LRRC41: variants seen among roughly 807,000 people sequenced by gnomAD.
LRRC41 encodes the protein leucine-rich repeat-containing protein 41.
In LRRC41, 17 loss-of-function variants were observed where a neutral mutation model predicts 72.1. The observed-to-expected ratio is 0.24, with a 90% CI of 0.16 to 0.35. LRRC41 has a LOEUF of 0.35. Among genes scored for constraint, LRRC41 ranks in the 10% least tolerant of loss-of-function variants. The probability of loss-of-function intolerance (pLI) is 1.00; values close to 1 mark genes in which losing one functional copy is unlikely to be tolerated. For missense variants in LRRC41, 759 were observed against 1,065.0 expected (o/e 0.71, Z 4.00); for synonymous variants, 427 against 431.0 (o/e 0.99, Z 0.11).
rs1484837975 is a variant in LRRC41, at chr1:46,279,842, T to C, written c.2021-228A>G. On this transcript the variant is annotated intron_variant, in intron 7 of 9. Coordinates refer to ENST00000617190, the MANE Select transcript of LRRC41 (RefSeq NM_006369.5). This position sits in a 1 kb window ranked among gnomAD's most constrained non-coding sequence, Gnocchi z 4.5. The stretch of plus-strand genomic sequence containing the variant: ...TCTGCATGGACAATTCTCCATTCAC[T>C]TCCTTCTTTCCCTAACACTGGCCAC... Among the ~76,000 whole-genome samples the C allele has an allele frequency of 1.3e-5, 2 of 152,276 alleles. No individual in the cohort carries two copies. The highest frequency in any genetic ancestry group is 3.4e-3 in the Middle Eastern group (1 of 294).
intron 2 of LRRC41, 59 bp from the exon 3 acceptor site, chr1:46,297,692 A>C: frequency 8.1e-7 from 1 of 1,239,654 alleles, no homozygotes; most frequent in Non-Finnish European, 1.2e-6. Context: ...AAGTACATCA[A>C]CCTTTCATGT....
Position 46,302,153 on chromosome 1 carries a change from T to C in LRRC41, c.199+971A>G. 1.0e-6 allele frequency: 1 copy of C among 985,248 alleles called. No individual in the cohort carries two copies. 61.0% of individuals were successfully genotyped at this position (985,248 alleles called of 1,614,324 possible). The stretch of plus-strand genomic sequence containing the variant: ...CGCCCTCCATCCAGGCCCGGCCCTT[T>C]GGTCCCGGCCGCCTTCAGGCCTGGG... On this transcript the variant is annotated intron_variant, in intron 1 of 9. Transcript: ENST00000617190. This position sits in a 1 kb window ranked among gnomAD's most constrained non-coding sequence, Gnocchi z 4.7.
chr1:46,299,348 G>A (rs768728719), intron 1 of LRRC41: 1 of 152,230 alleles, frequency 6.6e-6, no homozygotes, highest in Non-Finnish European at 1.5e-5. Context: ...CCAGGAGTTC[G>A]AGGCTACAGT....
At chr1:46,301,211 C>A (rs1411590114) in intron 1 of LRRC41, among the ~76,000 whole-genome samples, 1 of 152,142 alleles carries the variant, frequency 6.6e-6, no homozygotes, top group African/African-American at 2.4e-5. Flanking sequence ...TTTCTCCATT[C>A]TTCTTAAGCC....
rs759705989 is a variant in LRRC41 at position 46,278,738 on chromosome 1, AGGAAAAAAG to A, written c.*118_*126del. 2.1e-6 allele frequency: 2 copies of A among 945,026 alleles called. No homozygotes were observed. Among genetic ancestry groups the A allele is most frequent in the South Asian group, 3.1e-5 (2 of 63,542 alleles). The allele number at this position is 945,026 out of a possible 1,614,324, so 58.5% of individuals were successfully genotyped here. On this transcript the variant is annotated 3_prime_UTR_variant, in exon 10 of 10. Transcript: ENST00000617190. ...TCCAGGACCTCAGTGCAAGGGAAGA[AGGAAAAAAG>A]AGAAAAAAGGTGACAGAAAGAGAAA...
intron 3 of LRRC41, among the ~76,000 whole-genome samples, chr1:46,294,864 A>C (rs1416646742): frequency 6.6e-6 from 1 of 152,112 alleles, no homozygotes; most frequent in South Asian, 2.1e-4. Flanking sequence ...AAGTGCTGGC[A>C]TTATAGGTGT....
intron 3 of LRRC41, among the ~76,000 whole-genome samples, chr1:46,289,402 C>T (rs771817215): frequency 3.3e-5 from 5 of 152,122 alleles, no homozygotes; most frequent in Non-Finnish European, 7.3e-5. Flanking sequence ...CTCTCAGTGG[C>T]TTCTTTCTCA....
rs771086280 is a variant in LRRC41 at position 46,279,363 on chromosome 1, C to G, written c.2144-106G>C. 6.4e-7 allele frequency: 1 copy of G among 1,573,416 alleles called. No individual in the cohort carries two copies. The highest frequency in any genetic ancestry group is 8.7e-7 in the Non-Finnish European group (1 of 1,143,452). ...AACCAGCCCTGCTGGTTCCTGAAGC[C>G]CCAGCACAGAAATATCTGTATTCCA... is the stretch of plus-strand genomic sequence containing the variant. On this transcript the variant is annotated intron_variant, in intron 8 of 9. Transcript: ENST00000617190. The surrounding 1 kb of genome is among the most constrained non-coding windows in gnomAD (Gnocchi z 4.5).
chr1:46,287,258 G>A (rs763355734), intron 3 of LRRC41, among the ~76,000 whole-genome samples: 7 of 152,084 alleles, frequency 4.6e-5, no homozygotes, highest in Admixed American at 6.5e-5. Context: ...ACAGGCACCC[G>A]CCACCACGCC....
intron 4 of LRRC41, among the ~76,000 whole-genome samples, chr1:46,282,076 CA>C (rs11284020): frequency 0.062 from 7,290 of 118,418 alleles, 182 homozygotes; most frequent in South Asian, 0.13. Context: ...AAGACTGTCT[CA>C]AAAAAAAAAA....
chr1:46,288,563 T>C (rs753485106), intron 3 of LRRC41, among the ~76,000 whole-genome samples: 3 of 152,206 alleles, frequency 2.0e-5, no homozygotes, highest in Non-Finnish European at 2.9e-5. Context: ...TCCCCAAGAC[T>C]AAAACATTTC....
Position 46,285,480 on chromosome 1 carries a change from G to T in LRRC41, c.1377C>A (p.Phe459Leu). The change falls in exon 4 of 10, where the codon TTC (phenylalanine) becomes TTA (leucine). Residue 459 changes from phenylalanine to leucine, a missense_variant. Coordinates refer to ENST00000617190, the MANE Select transcript of LRRC41 (RefSeq NM_006369.5). This position sits in a 1 kb window ranked among gnomAD's most constrained non-coding sequence, Gnocchi z 5.3. ...ATAGCTCCAAGGTGGAGATGCTGCG[G>T]AATCTTTGTGAAGCTTCCAGTGCTG... ...GLPALEASQR[F>L]RSISTLELFT... 6.2e-7 allele frequency: 1 copy of T among 1,614,172 alleles called. No individual in the cohort carries two copies. The highest frequency in any genetic ancestry group is 8.5e-7 in the Non-Finnish European group (1 of 1,180,044).
At chr1:46,284,127 C>CT (rs1313120594) in intron 4 of LRRC41, 1 of 152,112 alleles carries the variant, frequency 6.6e-6, no homozygotes, top group African/African-American at 2.4e-5. Context: ...CTGGAAGGGG[C>CT]TGTGAGTAAG....
intron 3 of LRRC41, among the ~76,000 whole-genome samples, chr1:46,296,520 T>A (rs1007598674): frequency 6.6e-6 from 1 of 152,226 alleles, no homozygotes; most frequent in Non-Finnish European, 1.5e-5. Context: ...GGTACCTGGT[T>A]AAGTTTCAGT....
intron 1 of LRRC41, chr1:46,301,980 CT>C (rs1661240801): frequency 2.0e-6 from 2 of 985,338 alleles, no homozygotes; most frequent in Admixed American, 1.2e-4. Context: ...CAGAGCCTCA[CT>C]TTCCCCTCTT....
intron 1 of LRRC41, chr1:46,299,039 C>T (rs1661176834): frequency 6.6e-6 from 1 of 152,178 alleles, no homozygotes; most frequent in Admixed American, 6.6e-5. Flanking sequence ...CTAGTACTTT[C>T]CTATGAAGAA....
intron 4 of LRRC41, chr1:46,284,969 T>C (rs1660854542): frequency 1.0e-5 from 2 of 192,434 alleles, no homozygotes; most frequent in South Asian, 2.4e-4. Context: ...TGATAAGAAA[T>C]TGTGTCCCAC....
At chr1:46,293,745 TTTTTA>T in intron 3 of LRRC41, among the ~76,000 whole-genome samples, 1 of 151,772 alleles carries the variant, frequency 6.6e-6, no homozygotes, top group Non-Finnish European at 1.5e-5. Flanking sequence ...AATTTTTGTA[TTTTTA>T]TTTTGTTTTG....
chr1:46,301,867 T>A, intron 1 of LRRC41: 1 of 743,644 alleles, frequency 1.3e-6, no homozygotes. Flanking sequence ...CTGCCACCTC[T>A]TCGCCCAACT....
Sources: allele counts gnomAD v4.1 joint callset (sites outside exome capture counted in the v4.1 genomes callset), GRCh38; gene constraint gnomAD v4.1.1; non-coding constraint Gnocchi (gnomAD v3.1); transcripts MANE v1.5; gene names NCBI Gene and HGNC (gene_info 2026-07-23, HGNC 2026-07-21).